The following FSTL5 variants were observed in gnomAD, a reference collection of about 807,000 sequenced individuals.
FSTL5 encodes the protein follistatin like 5, also known as follistatin-related protein 5.
FSTL5 carries 62 observed loss-of-function variants against 89.1 expected under a neutral mutation model. That is an observed-to-expected ratio of 0.70 (90% CI 0.57 to 0.86). FSTL5 has a LOEUF of 0.86. FSTL5 is among the 40% of genes least tolerant of loss of function. The pLI is 0.00. For synonymous variants in FSTL5, 383 were observed against 346.2 expected (o/e 1.11, Z -1.18); for missense variants, 1,057 against 1,001.6 (o/e 1.06, Z -0.75).
intron 15 of FSTL5, chr4:161,388,547 T>C (rs372115381): frequency 2.0e-5 from 3 of 152,182 alleles, no homozygotes; most frequent in East Asian, 1.9e-4. Flanking sequence ...ATGAACTCCA[T>C]TTACTATAAA....
intron 13 of FSTL5, among the ~76,000 whole-genome samples, chr4:161,473,984 T>C (rs1734038394): frequency 6.6e-6 from 1 of 152,318 alleles, no homozygotes; most frequent in South Asian, 2.1e-4. Flanking sequence ...CTTCCTTTTG[T>C]TATTTTGCTA....
At chr4:161,572,389 T>C (rs1363563745) in intron 8 of FSTL5, among the ~76,000 whole-genome samples, 1 of 149,276 alleles carries the variant, frequency 6.7e-6, no homozygotes. Context: ...GCACTGATTA[T>C]GACCCCTGAC....
chr4:161,445,540 C>G (rs879634555), intron 15 of FSTL5, among the ~76,000 whole-genome samples: 1 of 151,408 alleles, frequency 6.6e-6, no homozygotes, highest in African/African-American at 2.4e-5. Context: ...TTCTGTAAAC[C>G]AAATATTACG....
At chr4:161,719,707 T>C (rs192799868) in intron 6 of FSTL5, among the ~76,000 whole-genome samples, 1 of 120,522 alleles carries the variant, frequency 8.3e-6, no homozygotes, top group East Asian at 2.8e-4. Context: ...CCTTGGTTAA[T>C]TTTTTTTATG....
intron 6 of FSTL5, among the ~76,000 whole-genome samples, chr4:161,715,892 C>T (rs142365600): frequency 6.3e-4 from 96 of 152,286 alleles, no homozygotes; most frequent in African/African-American, 2.3e-3. Context: ...GTAGTAGTGC[C>T]GAAAACCAGC....
At chr4:161,796,528 G>A (rs1560851239) in intron 4 of FSTL5, among the ~76,000 whole-genome samples, 1 of 151,642 alleles carries the variant, frequency 6.6e-6, no homozygotes, top group South Asian at 2.1e-4. Context: ...TCTTGTAATT[G>A]ATGAAACTAG....
At chr4:161,604,265 C>A (rs1734358801) in intron 7 of FSTL5, among the ~76,000 whole-genome samples, 1 of 152,174 alleles carries the variant, frequency 6.6e-6, no homozygotes, top group South Asian at 2.1e-4. Flanking sequence ...CTACTCTTAG[C>A]ACTGTTATCA....
intron 6 of FSTL5, among the ~76,000 whole-genome samples, chr4:161,723,844 G>C (rs1489247846): frequency 6.6e-6 from 1 of 151,940 alleles, no homozygotes; most frequent in Admixed American, 6.6e-5. Flanking sequence ...TTTAATAAGT[G>C]GGAAAAGATA....
intron 12 of FSTL5, among the ~76,000 whole-genome samples, chr4:161,482,352 CATA>C (rs1289621686): frequency 6.6e-6 from 1 of 151,994 alleles, no homozygotes; most frequent in Admixed American, 6.6e-5. Flanking sequence ...ATGTTATTTA[CATA>C]ATAATAATGT....
In FSTL5 at chr4:161,741,463, A is replaced by G. The variant is rs142579592; in HGVS notation, c.727+17948T>C. ...TCTAGAAGCTGAACGCAGCCCTGGT[A>G]CTGACTCCTTGATTTTTTACCTTAT... On this transcript the variant is annotated intron_variant, in intron 6 of 15. Coordinates refer to ENST00000306100, the MANE Select transcript of FSTL5 (RefSeq NM_020116.5). 2.0e-3 allele frequency among the ~76,000 whole-genome samples: 305 copies of G among 152,146 alleles called. 1 individual carries two copies. Among genetic ancestry groups the G allele is most frequent in the African/African-American group, 7.2e-3 (297 of 41,504 alleles).
chr4:161,674,572 A>G (rs759335111), intron 6 of FSTL5, among the ~76,000 whole-genome samples: 17 of 152,166 alleles, frequency 1.1e-4, no homozygotes, highest in Non-Finnish European at 2.1e-4. Flanking sequence ...TAGTATATCA[A>G]CGTATTTTGG....
At chr4:161,848,752 T>C (rs568543188) in intron 4 of FSTL5, among the ~76,000 whole-genome samples, 57 of 152,300 alleles carry the variant, frequency 3.7e-4, no homozygotes, top group Admixed American at 3.5e-3. Flanking sequence ...CTGCCTCTAC[T>C]TGGAAATGTT....
intron 4 of FSTL5, among the ~76,000 whole-genome samples, chr4:161,882,354 C>A (rs1732660202): frequency 6.6e-6 from 1 of 152,094 alleles, no homozygotes; most frequent in African/African-American, 2.4e-5. Context: ...TTGAAAACCA[C>A]AAATCCTCAA....
intron 4 of FSTL5, among the ~76,000 whole-genome samples, chr4:161,784,381 A>AT (rs34351557): frequency 3.9e-5 from 6 of 152,016 alleles, no homozygotes; most frequent in African/African-American, 1.4e-4. Context: ...ATATATTTTT[A>AT]TTTTTTATAA....
intron 4 of FSTL5, among the ~76,000 whole-genome samples, chr4:161,787,202 G>A (rs1741936797): frequency 6.6e-6 from 1 of 152,038 alleles, no homozygotes; most frequent in African/African-American, 2.4e-5. Flanking sequence ...ATTTATAAAT[G>A]AGATGTTTAA....
intron 3 of FSTL5, among the ~76,000 whole-genome samples, chr4:161,973,056 C>G (rs1209492889): frequency 6.6e-6 from 1 of 152,140 alleles, no homozygotes; most frequent in Non-Finnish European, 1.5e-5. Flanking sequence ...CATGCATGGC[C>G]CTTTAACTCT....
intron 6 of FSTL5, among the ~76,000 whole-genome samples, chr4:161,756,976 G>A (rs1740592008): frequency 6.6e-6 from 1 of 152,116 alleles, no homozygotes; most frequent in South Asian, 2.1e-4. Context: ...TTTCTATTGA[G>A]AGATGGAGGT....
chr4:162,000,511 T>C (rs528983918), intron 3 of FSTL5, among the ~76,000 whole-genome samples: 11 of 151,500 alleles, frequency 7.3e-5, no homozygotes, highest in Non-Finnish European at 1.3e-4. Context: ...GGCAGGGGAA[T>C]TGCCTGAACC....
At chr4:161,715,582 C>T (rs974710783) in intron 6 of FSTL5, among the ~76,000 whole-genome samples, 1 of 152,052 alleles carries the variant, frequency 6.6e-6, no homozygotes. Context: ...GTTTATCACC[C>T]GTAAAAGAAT....
Sources: allele counts gnomAD v4.1 joint callset (sites outside exome capture counted in the v4.1 genomes callset), GRCh38; gene constraint gnomAD v4.1.1; transcripts MANE v1.5; gene names NCBI Gene and HGNC (gene_info 2026-07-23, HGNC 2026-07-21).